KCND2: variants seen among roughly 807,000 people sequenced by gnomAD.
KCND2 encodes the protein A-type voltage-gated potassium channel KCND2.
KCND2 carries 16 observed loss-of-function variants against 54.4 expected under a neutral mutation model. That is an observed-to-expected ratio of 0.29 (90% CI 0.20 to 0.45). The LOEUF (loss-of-function observed/expected upper bound fraction) is 0.45, where lower values mean the gene tolerates loss of function less well. Among genes scored for constraint, KCND2 ranks in the 20% least tolerant of loss-of-function variants. The pLI, the probability that KCND2 is intolerant of heterozygous loss-of-function variation, is 1.00. For synonymous variants in KCND2, 317 were observed against 310.7 expected, an observed-to-expected ratio of 1.02 and a Z score of -0.21; for missense variants, 486 against 824.2, an observed-to-expected ratio of 0.59 and a Z score of 5.02.
At chr7:120,703,211 G>A (rs1792425217) in intron 1 of KCND2, among the ~76,000 whole-genome samples, 1 of 152,094 alleles carries the variant, frequency 6.6e-6, no homozygotes, top group Admixed American at 6.6e-5. Context: ...CACATCAGCT[G>A]GATACCCTGC....
At chr7:120,512,816 T>G (rs77481700) in intron 1 of KCND2, among the ~76,000 whole-genome samples, 1 of 149,524 alleles carries the variant, frequency 6.7e-6, no homozygotes, top group African/African-American at 2.4e-5. Context: ...TTTTTTTTTT[T>G]GGAGACAGAT....
chr7:120,510,742 A>C (rs7810408), intron 1 of KCND2, among the ~76,000 whole-genome samples: 2,722 of 152,098 alleles, frequency 0.018, 66 homozygotes, highest in African/African-American at 0.062. Flanking sequence ...TTAAGATGTC[A>C]GGCATAACAT....
chr7:120,403,678 A>G (rs62471559), intron 1 of KCND2, among the ~76,000 whole-genome samples: 15,701 of 151,884 alleles, frequency 0.1, 851 homozygotes, highest in Admixed American at 0.13. Flanking sequence ...TTTCACATTC[A>G]AATTTTTAAT....
At chr7:120,652,697 G>C (rs1178254403) in intron 1 of KCND2, among the ~76,000 whole-genome samples, 1 of 152,078 alleles carries the variant, frequency 6.6e-6, no homozygotes, top group African/African-American at 2.4e-5. Context: ...TGTCTTTATG[G>C]AGAACCTTGA....
intron 1 of KCND2, among the ~76,000 whole-genome samples, chr7:120,299,767 C>T (rs6951445): frequency 0.97 from 148,173 of 152,258 alleles, 72,216 homozygotes; most frequent in East Asian, 1. Context: ...CTGTGATACT[C>T]GTCATTGAAA....
intron 1 of KCND2, among the ~76,000 whole-genome samples, chr7:120,683,808 CA>C (rs1439399011): frequency 6.6e-6 from 1 of 151,666 alleles, no homozygotes; most frequent in African/African-American, 2.4e-5. Flanking sequence ...CAAACTCTTT[CA>C]TTTTTTTTTT....
At chr7:120,735,168 C>CGA (rs1224982027) in intron 2 of KCND2, among the ~76,000 whole-genome samples, 1 of 151,924 alleles carries the variant, frequency 6.6e-6, no homozygotes, top group African/African-American at 2.4e-5. Context: ...ATATAGAGAA[C>CGA]TGATCATCTA....
intron 2 of KCND2, among the ~76,000 whole-genome samples, chr7:120,737,059 CACACACACACACACACAA>C (rs1792879987): frequency 7.0e-6 from 1 of 143,716 alleles, no homozygotes; most frequent in African/African-American, 2.6e-5. Flanking sequence ...CACACACACA[CACACACACACACACACAA>C]ACAAAAAAAA....
chr7:120,719,674 A>AT (rs1367972281), intron 1 of KCND2, among the ~76,000 whole-genome samples: 2 of 152,180 alleles, frequency 1.3e-5, no homozygotes, highest in East Asian at 3.9e-4. Context: ...CATTAGCATG[A>AT]TTAAAAAAAC....
intron 1 of KCND2, among the ~76,000 whole-genome samples, chr7:120,424,991 T>C (rs1254051669): frequency 6.6e-6 from 1 of 152,222 alleles, no homozygotes; most frequent in Admixed American, 6.5e-5. Context: ...CAAGGAAAAG[T>C]TTACTAAAAA....
chr7:120,305,981 A>C (rs1799647640), intron 1 of KCND2, among the ~76,000 whole-genome samples: 1 of 152,106 alleles, frequency 6.6e-6, no homozygotes, highest in African/African-American at 2.4e-5. Flanking sequence ...ACTAATCTTC[A>C]AGTGGGGATA....
chr7:120,698,866 T>C (rs1239236673), intron 1 of KCND2, among the ~76,000 whole-genome samples: 1 of 152,246 alleles, frequency 6.6e-6, no homozygotes, highest in African/African-American at 2.4e-5. Flanking sequence ...CTGTGACTTT[T>C]CAAAAATTCA....
intron 1 of KCND2, among the ~76,000 whole-genome samples, chr7:120,707,422 A>G (rs541207642): frequency 2.2e-4 from 34 of 152,238 alleles, no homozygotes; most frequent in African/African-American, 7.5e-4. Flanking sequence ...TGTCGCCCAC[A>G]AAACTCAAGC....
intron 1 of KCND2, among the ~76,000 whole-genome samples, chr7:120,547,566 G>A (rs930396314): frequency 4.8e-4 from 73 of 152,010 alleles, no homozygotes; most frequent in African/African-American, 1.6e-3. Context: ...CTCTGTTGTT[G>A]CTATTAAAGT....
chr7:120,352,788 A>G (rs1584743235), intron 1 of KCND2, among the ~76,000 whole-genome samples: 1 of 152,204 alleles, frequency 6.6e-6, no homozygotes, highest in African/African-American at 2.4e-5. Flanking sequence ...GCAAACAGTA[A>G]TAAAACTAAG....
At chr7:120,281,795 G>GGA (rs1388604517) in intron 1 of KCND2, among the ~76,000 whole-genome samples, 1 of 152,158 alleles carries the variant, frequency 6.6e-6, no homozygotes, top group African/African-American at 2.4e-5. Flanking sequence ...TGTACGCCAT[G>GGA]GAGAGCTCCT....
At chr7:120,414,198 C>T (rs1025538536) in intron 1 of KCND2, among the ~76,000 whole-genome samples, 1 of 151,920 alleles carries the variant, frequency 6.6e-6, no homozygotes, top group Non-Finnish European at 1.5e-5. Flanking sequence ...AAAAGATGCA[C>T]TATAATAGTT....
rs79609247 is a variant in KCND2, at chr7:120,590,371, A to G, written c.1116-142532A>G. On this transcript the variant is annotated intron_variant, in intron 1 of 5. Coordinates refer to ENST00000331113, the MANE Select transcript of KCND2 (RefSeq NM_012281.3). Reference sequence around the variant, plus strand: ...GGTTTGCATCTCCCTTTGATCAGTCATAAAAAAGATACAGCTTCTTGCCAG... The same window carrying G: ...GGTTTGCATCTCCCTTTGATCAGTCGTAAAAAAGATACAGCTTCTTGCCAG... Among the ~76,000 whole-genome samples the G allele has an allele frequency of 8.6e-3, 1,304 of 152,236 alleles. 16 individuals carry two copies. The highest frequency in any genetic ancestry group is 0.028 in the African/African-American group (1,182 of 41,534).
intron 1 of KCND2, among the ~76,000 whole-genome samples, chr7:120,516,744 G>A (rs1054332805): frequency 6.6e-6 from 1 of 152,054 alleles, no homozygotes; most frequent in Non-Finnish European, 1.5e-5. Flanking sequence ...TGTTGACCCA[G>A]GATTGAATAT....
Sources: gnomAD v4.1 joint callset for allele counts (sites outside exome capture counted in the v4.1 genomes callset) on GRCh38, gnomAD v4.1.1 for gene constraint, MANE v1.5 for transcripts, NCBI Gene and HGNC (gene_info 2026-07-23, HGNC 2026-07-21) for gene names.